Variants in UNC80 observed in about 807,000 individuals in gnomAD.
The protein encoded by UNC80 is protein unc-80 homolog.
A neutral mutation model predicts 384.6 loss-of-function variants in UNC80; 164 were observed. The observed-to-expected ratio is 0.43, with a 90% CI of 0.38 to 0.49. The LOEUF is 0.49. Ranked by LOEUF, UNC80 falls within the 20% of genes least tolerant of loss-of-function variation. The pLI is 0.00. For missense variants in UNC80, 3,330 were observed against 4,143.0 expected, an observed-to-expected ratio of 0.80 and a Z score of 5.39; for synonymous variants, 1,486 against 1,527.8, an observed-to-expected ratio of 0.97 and a Z score of 0.64.
In UNC80 at chr2:209,856,761, C is replaced by CTTATTTAT. The variant is rs140456629; in HGVS notation, c.3627+7165_3627+7172dup. ...TTCTGGGTTTTGGTTTTTTTGTTTA[C>CTTATTTAT]TTATTTATTTATTTATTTATTTATT... On this transcript the variant is annotated intron_variant, in intron 22 of 64. Coordinates refer to ENST00000673920, the MANE Select transcript of UNC80 (RefSeq NM_001371986.1). Among the ~76,000 whole-genome samples the CTTATTTAT allele has an allele frequency of 9.5e-3, 1,429 of 149,780 alleles. 19 individuals are homozygous for CTTATTTAT. Among genetic ancestry groups the CTTATTTAT allele is most frequent in the African/African-American group, 0.029 (1,183 of 40,522 alleles).
intron 13 of UNC80, among the ~76,000 whole-genome samples, chr2:209,823,034 A>G (rs1016965528): frequency 1.3e-5 from 2 of 152,224 alleles, no homozygotes; most frequent in East Asian, 3.8e-4. Context: ...CCCCAAACCC[A>G]TCTGTTATCT....
At chr2:209,887,458 T>C (rs574798044) in intron 25 of UNC80, among the ~76,000 whole-genome samples, 1 of 152,302 alleles carries the variant, frequency 6.6e-6, no homozygotes, top group East Asian at 1.9e-4. Flanking sequence ...TGGGCCCATT[T>C]AGCTAGCCCA....
Position 209,938,672 on chromosome 2 carries a change from CTCTG to C in UNC80, c.6466-796_6466-793del, listed in dbSNP as rs1207286814. ...TAATCAATAATGGTGCTTGCCTAGT[CTCTG>C]TCTCTCTCTCTCTCTCTCTCTCTCT... On this transcript the variant is annotated intron_variant, in intron 42 of 64. Coordinates refer to ENST00000673920, the MANE Select transcript of UNC80 (RefSeq NM_001371986.1). Among the ~76,000 whole-genome samples the C allele has an allele frequency of 5.9e-4, 67 of 113,678 alleles. 1 individual carries two copies. In the South Asian group the frequency reaches 0.014, roughly 23 times the overall value. The allele number at this position is 113,678 out of a possible 152,430, so 74.6% of individuals were successfully genotyped here. A position where few individuals can be genotyped will look rare whatever the true frequency, so the allele number is the denominator to read the frequency against.
chr2:209,815,091 T>C (rs568780744), intron 8 of UNC80, among the ~76,000 whole-genome samples, 166 bp from the exon 9 acceptor site: 2 of 152,306 alleles, frequency 1.3e-5, no homozygotes, highest in South Asian at 4.1e-4. Flanking sequence ...ATGAAATATA[T>C]ATTCTCACTA....
intron 47 of UNC80, 41 bp from the exon 48 acceptor site, chr2:209,954,059 G>A: frequency 6.6e-7 from 1 of 1,520,764 alleles, no homozygotes; most frequent in Non-Finnish European, 8.8e-7. Context: ...AACAAAAGTA[G>A]AATGTAAAAG....
intron 6 of UNC80, among the ~76,000 whole-genome samples, chr2:209,791,072 T>C (rs2077765790): frequency 1.3e-5 from 2 of 152,206 alleles, no homozygotes; most frequent in South Asian, 4.1e-4. Context: ...TTCTTTTCGT[T>C]ATGTTGCTCA....
chr2:209,855,765 T>A (rs1018641254), intron 22 of UNC80, among the ~76,000 whole-genome samples: 2 of 152,148 alleles, frequency 1.3e-5, no homozygotes, highest in East Asian at 1.9e-4. Flanking sequence ...CTATCCTCTT[T>A]CTTATTTGTT....
chr2:209,941,276 G>A lies in UNC80; in HGVS notation c.6702G>A (p.Leu2234=), dbSNP rs139008923. The change falls in exon 44 of 65, where the codon CTG becomes CTA. Residue 2234 remains leucine, a synonymous_variant. Coordinates refer to ENST00000673920, the MANE Select transcript of UNC80 (RefSeq NM_001371986.1). ...DTLQKSLWIQ[L]LEEMFLGMPS... ...TTCAGAAAAGCTTGTGGATCCAGCT[G>A]CTGGAGGAAATGTTCCTGGGCATGC... 545 of 1,539,876 alleles carry A rather than the reference G, an allele frequency of 3.5e-4. 1 individual carries two copies. The highest frequency in any genetic ancestry group is 4.5e-4 in the South Asian group (38 of 83,724).
At chr2:209,975,030 A>ATC (rs1020836072) in intron 56 of UNC80, among the ~76,000 whole-genome samples, 8 of 152,132 alleles carry the variant, frequency 5.3e-5, no homozygotes, top group African/African-American at 1.9e-4. Context: ...GAATCTTGCA[A>ATC]TCTCTCTCTC....
Position 209,793,744 on chromosome 2 carries a change from T to C in UNC80, c.823T>C (p.Phe275Leu), listed in dbSNP as rs1318696963. 5 of 1,613,994 alleles carry C rather than the reference T, an allele frequency of 3.1e-6. No homozygotes were observed. The highest frequency in any genetic ancestry group is 4.2e-6 in the Non-Finnish European group (5 of 1,179,988). Residue 275 changes from phenylalanine to leucine, a missense_variant, in exon 7 of 65, where the codon TTC becomes CTC. Physicochemically the swap from Phe to Leu is conservative, Grantham distance 22. Coordinates refer to ENST00000673920, the MANE Select transcript of UNC80 (RefSeq NM_001371986.1). The part of the protein sequence containing the change: ...LEGLQVVCET[F>L]QSDSISPKAT... ...GGGACTCCAGGTGGTTTGTGAAACATTCCAGTCTGATTCCATCTCACCCAA... is the reference window on the plus strand; with the variant it reads ...GGGACTCCAGGTGGTTTGTGAAACACTCCAGTCTGATTCCATCTCACCCAA...
intron 43 of UNC80, among the ~76,000 whole-genome samples, chr2:209,940,226 G>T (rs1319592086): frequency 6.6e-6 from 1 of 152,162 alleles, no homozygotes; most frequent in African/African-American, 2.4e-5. Context: ...ACAGAAATCA[G>T]AATGGTGGTT....
intron 7 of UNC80, among the ~76,000 whole-genome samples, chr2:209,811,413 A>C (rs919006059): frequency 3.3e-5 from 5 of 152,208 alleles, no homozygotes; most frequent in Non-Finnish European, 5.9e-5. Context: ...TGGAGGAATA[A>C]GAGGAAAAAC....
Position 209,898,496 on chromosome 2 carries a change from G to A in UNC80, c.4581+2083G>A, listed in dbSNP as rs1045815446. 5.9e-5 allele frequency among the ~76,000 whole-genome samples: 9 copies of A among 151,870 alleles called. 1 individual carries two copies. The highest frequency in any genetic ancestry group is 2.2e-4 in the African/African-American group (9 of 41,328). On this transcript the variant is annotated intron_variant, in intron 28 of 64. Coordinates refer to ENST00000673920, the MANE Select transcript of UNC80 (RefSeq NM_001371986.1). ...TTAAAAAAAATTATTTTTAATTTTT[G>A]GGGGTACATAGTGTGTATATTTGTG...
At chr2:209,955,943 C>G (rs1373632929) in intron 48 of UNC80, among the ~76,000 whole-genome samples, 1 of 151,544 alleles carries the variant, frequency 6.6e-6, no homozygotes, top group East Asian at 1.9e-4. Flanking sequence ...GGTGTTTCCC[C>G]ATGTTGGCCA....
rs1371517297 is a variant in UNC80 at position 209,945,820 on chromosome 2, G to T, written c.7190-27G>T. The stretch of plus-strand genomic sequence containing the variant: ...ATCTCCTGCAAAATCCACTCTGATA[G>T]TTTGCCTTTACTTTTTGTTCCTTCA... On this transcript the variant is annotated intron_variant, in intron 46 of 64. Transcript: ENST00000673920. The T allele has an allele frequency of 2.7e-6, 4 of 1,493,574 alleles. No individual in the cohort carries two copies. In the Admixed American group the frequency reaches 7.9e-5, roughly 29 times the overall value. The allele number at this position is 1,493,574 out of a possible 1,614,324, so 92.5% of individuals were successfully genotyped here.
At chr2:209,897,449 T>C (rs2086912939) in intron 28 of UNC80, among the ~76,000 whole-genome samples, 2 of 152,228 alleles carry the variant, frequency 1.3e-5, no homozygotes, top group African/African-American at 4.8e-5. Flanking sequence ...CTGTTGTGTC[T>C]GGTTCCTTTT....
intron 28 of UNC80, among the ~76,000 whole-genome samples, chr2:209,900,259 T>C (rs1320274914): frequency 6.6e-6 from 1 of 152,214 alleles, no homozygotes; most frequent in African/African-American, 2.4e-5. Flanking sequence ...GTGGCAACCC[T>C]GCATTGAGCA....
intron 25 of UNC80, among the ~76,000 whole-genome samples, chr2:209,887,632 A>T (rs774003973): frequency 1.3e-5 from 2 of 152,150 alleles, no homozygotes; most frequent in Non-Finnish European, 2.9e-5. Context: ...TCCTACTCTC[A>T]GTCTTAAAAT....
chr2:209,794,984 T>A, intron 7 of UNC80: 1 of 329,460 alleles, frequency 3.0e-6, no homozygotes, highest in South Asian at 2.5e-5. Context: ...GAAGCAACTT[T>A]GGAACTGGGT....
Sources: gnomAD v4.1 joint callset for allele counts (sites outside exome capture counted in the v4.1 genomes callset) on GRCh38, gnomAD v4.1.1 for gene constraint, MANE v1.5 for transcripts, NCBI Gene and HGNC (gene_info 2026-07-23, HGNC 2026-07-21) for gene names.